Variants in SHCBP1L observed in about 807,000 individuals in gnomAD.
SHCBP1L encodes the protein testicular spindle-associated protein SHCBP1L.
Under a neutral mutation model 62.5 loss-of-function variants are expected in SHCBP1L, and 67 were observed. The observed-to-expected ratio is 1.07, with a 90% CI of 0.88 to 1.31. SHCBP1L has a LOEUF of 1.31. Ranked by LOEUF, SHCBP1L falls within the 40% of genes most tolerant of loss-of-function variation. The pLI, the probability that SHCBP1L is intolerant of heterozygous loss-of-function variation, is 0.00. For synonymous variants in SHCBP1L, 284 were observed against 289.4 expected (o/e 0.98, Z 0.19); for missense variants, 823 against 809.8 (o/e 1.02, Z -0.20).
chr1:182,918,132 GTA>G (rs957985717), intron 6 of SHCBP1L, among the ~76,000 whole-genome samples: 5 of 134,970 alleles, frequency 3.7e-5, no homozygotes, highest in African/African-American at 8.7e-5. Context: ...ACGTGTGTGT[GTA>G]TATATATACA....
At chr1:182,903,565 T>C (rs1402710488) in intron 8 of SHCBP1L, among the ~76,000 whole-genome samples, 1 of 152,228 alleles carries the variant, frequency 6.6e-6, no homozygotes, top group Non-Finnish European at 1.5e-5. Context: ...TGCTCTTATT[T>C]TTCTACTTCC....
rs763683308 is a variant in SHCBP1L, at chr1:182,953,110, C to A, written c.24G>T (p.Ser8=). MASGSKA[S]VPADSFRTIS... is the part of the protein sequence containing the mutation. ...TGGTGCGGAATGAGTCCGCGGGCACCGAGGCCTTGGAGCCCGACGCCATCT... is the reference window on the plus strand; with the variant it reads ...TGGTGCGGAATGAGTCCGCGGGCACAGAGGCCTTGGAGCCCGACGCCATCT... The change falls in exon 1 of 10, where the codon TCG becomes TCT. Residue 8 remains serine (S), a synonymous_variant. Transcript: ENST00000367547. 1 of 1,576,414 alleles carries A rather than the reference C, an allele frequency of 6.3e-7. No homozygotes were observed. Among genetic ancestry groups the A allele is most frequent in the East Asian group, 2.3e-5 (1 of 43,750 alleles).
rs9661632 is a variant in SHCBP1L at position 182,936,130 on chromosome 1, G to T, written c.1076+3046C>A. ...TGTTTTGGTTGCTTTTTTGTTTTTT[G>T]TTTTTTTTTTTTTTTTTTTTTTTGA... On this transcript the variant is annotated intron_variant, in intron 5 of 9. Coordinates refer to ENST00000367547, the MANE Select transcript of SHCBP1L (RefSeq NM_030933.4). Among the ~76,000 whole-genome samples the T allele has an allele frequency of 3.7e-3, 234 of 63,980 alleles. 5 individuals carry two copies. Among genetic ancestry groups the T allele is most frequent in the Middle Eastern group, 0.013 (1 of 78 alleles). 42.0% of individuals were successfully genotyped at this position (63,980 alleles called of 152,430 possible). A position where few individuals can be genotyped will look rare whatever the true frequency, so the allele number is the denominator to read the frequency against.
rs796558471 is a variant in SHCBP1L at position 182,943,550 on chromosome 1, G to T, written c.556-3007C>A. ...CAACCTCTGCCTCCCAGGTTCAAGC[G>T]ATTCTCCAGCCTCAGCCTCCCAAGT... is the stretch of plus-strand genomic sequence containing the variant. On this transcript the variant is annotated intron_variant, in intron 2 of 9. Transcript: ENST00000367547. 6.0e-5 allele frequency among the ~76,000 whole-genome samples: 9 copies of T among 151,222 alleles called. 1 individual carries two copies. The highest frequency in any genetic ancestry group is 2.2e-4 in the African/African-American group (9 of 41,260).
At chr1:182,907,282 A>G (rs2101921364) in intron 6 of SHCBP1L, among the ~76,000 whole-genome samples, 1 of 151,538 alleles carries the variant, frequency 6.6e-6, no homozygotes, top group Non-Finnish European at 1.5e-5. Context: ...AAAATATAAA[A>G]ATTAGCCAGG....
At chr1:182,925,321 C>T (rs911834635) in intron 6 of SHCBP1L, among the ~76,000 whole-genome samples, 4 of 151,976 alleles carry the variant, frequency 2.6e-5, no homozygotes, top group Non-Finnish European at 5.9e-5. Context: ...ATAAATAACT[C>T]TTATAGTCAA....
At chr1:182,948,894 C>T (rs1651659774) in intron 2 of SHCBP1L, among the ~76,000 whole-genome samples, 1 of 152,154 alleles carries the variant, frequency 6.6e-6, no homozygotes, top group African/African-American at 2.4e-5. Flanking sequence ...AAGAGCCATT[C>T]TCACTTGTTT....
chr1:182,907,428 T>C, intron 6 of SHCBP1L, among the ~76,000 whole-genome samples: 1 of 113,930 alleles, frequency 8.8e-6, no homozygotes, highest in Non-Finnish European at 1.8e-5. Context: ...AGCGAAACTG[T>C]CTCAAAAAAA....
intron 6 of SHCBP1L, among the ~76,000 whole-genome samples, chr1:182,917,813 A>G (rs1021722878): frequency 6.6e-6 from 1 of 152,092 alleles, no homozygotes; most frequent in Non-Finnish European, 1.5e-5. Flanking sequence ...CTCTCCAAAT[A>G]TGCTTACATT....
At chr1:182,915,859 T>C (rs1571341492) in intron 6 of SHCBP1L, among the ~76,000 whole-genome samples, 1 of 149,232 alleles carries the variant, frequency 6.7e-6, no homozygotes, top group Admixed American at 6.8e-5. Flanking sequence ...CAGGCTGGAG[T>C]GCAGTGGCGC....
chr1:182,941,079 T>C (rs1306601095), intron 2 of SHCBP1L, among the ~76,000 whole-genome samples: 4 of 151,822 alleles, frequency 2.6e-5, no homozygotes, highest in Admixed American at 2.6e-4. Flanking sequence ...TAATAAATCA[T>C]AATTATAAGC....
At chr1:182,930,594 T>TAA (rs1196006204) in intron 5 of SHCBP1L, among the ~76,000 whole-genome samples, 12 of 99,880 alleles carry the variant, frequency 1.2e-4, no homozygotes, top group South Asian at 3.2e-4. Flanking sequence ...TATATATATA[T>TAA]ACACATATAT....
At chr1:182,949,284 A>C (rs985987919) in intron 2 of SHCBP1L, among the ~76,000 whole-genome samples, 2 of 152,000 alleles carry the variant, frequency 1.3e-5, no homozygotes, top group Non-Finnish European at 1.5e-5. Flanking sequence ...TATACTAAAA[A>C]AAAAAAAGTC....
chr1:182,948,199 T>C (rs940328525), intron 2 of SHCBP1L, among the ~76,000 whole-genome samples: 7 of 152,184 alleles, frequency 4.6e-5, no homozygotes, highest in Non-Finnish European at 1.0e-4. Flanking sequence ...GTCAACACTA[T>C]GTTTCTAAGT....
intron 6 of SHCBP1L, among the ~76,000 whole-genome samples, chr1:182,909,668 A>G (rs1650118654): frequency 6.6e-6 from 1 of 152,186 alleles, no homozygotes; most frequent in African/African-American, 2.4e-5. Flanking sequence ...TTTTGTATAT[A>G]TGGGTTCTGC....
intron 5 of SHCBP1L, 152 bp from the exon 6 acceptor site, chr1:182,929,904 T>G: frequency 1.7e-6 from 1 of 578,868 alleles, no homozygotes; most frequent in Non-Finnish European, 3.0e-6. Flanking sequence ...TTGAGAGCAA[T>G]GTAATGATTC....
At chr1:182,904,584 C>T (rs572556499) in intron 7 of SHCBP1L, among the ~76,000 whole-genome samples, 154 bp from the exon 8 acceptor site, 8 of 148,388 alleles carry the variant, frequency 5.4e-5, no homozygotes, top group East Asian at 2.0e-4. Context: ...TGTGCGCATG[C>T]GCATTTTTAG....
chr1:182,953,126 G>A lies in SHCBP1L; in HGVS notation c.8C>T (p.Ser3Leu), dbSNP rs1651856787. The A allele has an allele frequency of 6.3e-7, 1 of 1,580,372 alleles. No individual in the cohort carries two copies. The highest frequency in any genetic ancestry group is 8.5e-7 in the Non-Finnish European group (1 of 1,171,590). MA[S>L]GSKASVPADS... Reference sequence around the variant, plus strand: ...CGCGGGCACCGAGGCCTTGGAGCCCGACGCCATCTCCTCAGCAGCCCGAGG... The same window carrying A: ...CGCGGGCACCGAGGCCTTGGAGCCCAACGCCATCTCCTCAGCAGCCCGAGG... Residue 3 changes from serine (S) to leucine (L), a missense_variant, in exon 1 of 10, where the codon TCG (serine) becomes TTG (leucine). Ser to Leu is a moderately radical substitution (Grantham distance 145). Transcript: ENST00000367547.
intron 1 of SHCBP1L, 103 bp downstream of exon 1, chr1:182,952,626 G>C: frequency 7.4e-7 from 1 of 1,356,794 alleles, no homozygotes; most frequent in Non-Finnish European, 9.9e-7. Flanking sequence ...AGTTTTCGTT[G>C]TGCCCTGTGG....
Sources: gnomAD v4.1 joint callset for allele counts (sites outside exome capture counted in the v4.1 genomes callset) on GRCh38, gnomAD v4.1.1 for gene constraint, MANE v1.5 for transcripts, NCBI Gene and HGNC (gene_info 2026-07-23, HGNC 2026-07-21) for gene names.